DPP6: variants seen among roughly 807,000 people sequenced by gnomAD.
The protein encoded by DPP6 is dipeptidyl peptidase like 6.
DPP6 carries 69 observed loss-of-function variants against 122.6 expected under a neutral mutation model. The observed-to-expected ratio is 0.56, with a 90% CI of 0.46 to 0.69. The LOEUF (loss-of-function observed/expected upper bound fraction) is 0.69. Among genes scored for constraint, DPP6 ranks in the 30% least tolerant of loss-of-function variants. The pLI is 0.00. For missense variants in DPP6, 928 were observed against 1,116.9 expected (o/e 0.83, Z 2.41); for synonymous variants, 418 against 433.1 (o/e 0.97, Z 0.43).
At chr7:154,467,984 G>A (rs1294096218) in intron 2 of DPP6, among the ~76,000 whole-genome samples, 3 of 152,110 alleles carry the variant, frequency 2.0e-5, no homozygotes, top group Non-Finnish European at 2.9e-5. Flanking sequence ...TATCTTTCTC[G>A]ACAGTGAATC....
intron 10 of DPP6, among the ~76,000 whole-genome samples, chr7:154,791,829 A>G (rs1388266218): frequency 6.6e-6 from 1 of 152,230 alleles, no homozygotes; most frequent in Non-Finnish European, 1.5e-5. Context: ...GGTTCCATCC[A>G]GTGGCACTCA....
chr7:153,751,914 T>C, the DPP6 span, among the ~76,000 whole-genome samples: 3 of 151,932 alleles, frequency 2.0e-5, no homozygotes, highest in African/African-American at 7.2e-5. Context: ...TCAGTATGTA[T>C]TACGTTAGAC....
chr7:154,013,983 C>G (rs1412146753), intron 1 of DPP6, among the ~76,000 whole-genome samples: 1 of 152,100 alleles, frequency 6.6e-6, no homozygotes, highest in African/African-American at 2.4e-5. Flanking sequence ...GTGCCCTCAA[C>G]TCCCAGGCTC....
Position 154,863,466 on chromosome 7 carries a change from C to G in DPP6, c.1715-4529C>G, listed in dbSNP as rs1433143687. Reference sequence around the variant, plus strand: ...GACCTCCAGAGCTCAAGCTGTCCTCCCACCTCAGCCTCCTGAGTAACTGGG... The same window carrying G: ...GACCTCCAGAGCTCAAGCTGTCCTCGCACCTCAGCCTCCTGAGTAACTGGG... On this transcript the variant is annotated intron_variant, in intron 17 of 25. Transcript: ENST00000377770. This position sits in a 1 kb window ranked among gnomAD's most constrained non-coding sequence, Gnocchi z 4.1. 6.6e-6 allele frequency among the ~76,000 whole-genome samples: 1 copy of G among 151,728 alleles called. No individual in the cohort carries two copies. Among genetic ancestry groups the G allele is most frequent in the Non-Finnish European group, 1.5e-5 (1 of 67,956 alleles).
At chr7:153,895,038 C>T (rs1799349312) in intron 1 of DPP6, among the ~76,000 whole-genome samples, 2 of 152,118 alleles carry the variant, frequency 1.3e-5, no homozygotes, top group African/African-American at 4.8e-5. Flanking sequence ...GATGAGGAAA[C>T]ATGCTGTGTT....
intron 16 of DPP6, among the ~76,000 whole-genome samples, chr7:154,829,906 G>A (rs977217489): frequency 1.3e-5 from 2 of 152,102 alleles, no homozygotes; most frequent in African/African-American, 2.4e-5. Context: ...CTCCTGTGAT[G>A]CTGGTGCACA....
chr7:154,510,936 GCACACACACACACACACACA>G (rs3056506), intron 3 of DPP6, among the ~76,000 whole-genome samples: 2 of 145,090 alleles, frequency 1.4e-5, no homozygotes, highest in Non-Finnish European at 3.0e-5. Flanking sequence ...ACACACACAT[GCACACACACACACACACACA>G]CACACACACA....
At chr7:154,674,088 C>T (rs1838742134) in intron 7 of DPP6, among the ~76,000 whole-genome samples, 1 of 152,128 alleles carries the variant, frequency 6.6e-6, no homozygotes, top group Admixed American at 6.5e-5. Context: ...TTTGGCCAAG[C>T]TGGTCTTGAA....
intron 1 of DPP6, among the ~76,000 whole-genome samples, chr7:154,357,275 CTT>C (rs35476633): frequency 0.026 from 3,188 of 120,758 alleles, 94 homozygotes; most frequent in African/African-American, 0.085. Context: ...TAATGTGGGG[CTT>C]TTTTTTTTTT....
chr7:154,310,878 T>C (rs1050497816), intron 1 of DPP6, among the ~76,000 whole-genome samples: 2 of 152,194 alleles, frequency 1.3e-5, no homozygotes, highest in South Asian at 2.1e-4. Flanking sequence ...TTTATGGAAA[T>C]GAGCTGTGCC....
chr7:154,248,601 C>A (rs1009554674), intron 1 of DPP6, among the ~76,000 whole-genome samples: 2 of 152,192 alleles, frequency 1.3e-5, no homozygotes, highest in African/African-American at 4.8e-5. Flanking sequence ...CGCCGTGGCT[C>A]ACACCTGTAA....
chr7:154,465,772 G>C (rs1291194827), intron 2 of DPP6, among the ~76,000 whole-genome samples: 3 of 152,200 alleles, frequency 2.0e-5, no homozygotes, highest in Non-Finnish European at 4.4e-5. Flanking sequence ...ATGTAAATGA[G>C]TTCAACCATT....
intron 1 of DPP6, among the ~76,000 whole-genome samples, chr7:154,164,474 A>G (rs964392004): frequency 2.0e-5 from 3 of 152,050 alleles, no homozygotes; most frequent in Non-Finnish European, 2.9e-5. Flanking sequence ...TTGATGTATA[A>G]TTTACATACC....
chr7:154,734,881 A>C (rs1448344538), intron 8 of DPP6, among the ~76,000 whole-genome samples: 1 of 152,200 alleles, frequency 6.6e-6, no homozygotes, highest in Non-Finnish European at 1.5e-5. Context: ...AGGAAATTGA[A>C]ATAAGCTAAT....
intron 6 of DPP6, among the ~76,000 whole-genome samples, chr7:154,648,210 G>A (rs1480596475): frequency 6.6e-6 from 1 of 151,572 alleles, no homozygotes; most frequent in Non-Finnish European, 1.5e-5. Context: ...AGAGGTTACA[G>A]TGAGCCGAGA....
chr7:154,081,325 C>T (rs1803990084), intron 1 of DPP6, among the ~76,000 whole-genome samples: 2 of 146,968 alleles, frequency 1.4e-5, no homozygotes, highest in African/African-American at 2.5e-5. Context: ...AGGGCCAAGC[C>T]TTTCAACACC....
intron 1 of DPP6, among the ~76,000 whole-genome samples, chr7:154,280,102 C>T (rs1312215863): frequency 1.3e-5 from 2 of 152,050 alleles, no homozygotes; most frequent in African/African-American, 2.4e-5. Context: ...TTCAGATGGG[C>T]CAATAGCAGA....
intron 1 of DPP6, among the ~76,000 whole-genome samples, chr7:154,176,022 G>C (rs1398524545): frequency 6.6e-6 from 1 of 152,096 alleles, no homozygotes; most frequent in Non-Finnish European, 1.5e-5. Flanking sequence ...AATGCTTTAT[G>C]ACCAAAACTG....
chr7:153,873,363 T>G, the DPP6 span, among the ~76,000 whole-genome samples: 1 of 152,188 alleles, frequency 6.6e-6, no homozygotes, highest in South Asian at 2.1e-4. Flanking sequence ...GATAGCAATG[T>G]CTCTGGCATT....
Sources: gnomAD v4.1 joint callset for allele counts (sites outside exome capture counted in the v4.1 genomes callset) on GRCh38, gnomAD v4.1.1 for gene constraint, Gnocchi (gnomAD v3.1) non-coding constraint, MANE v1.5 for transcripts, NCBI Gene and HGNC (gene_info 2026-07-23, HGNC 2026-07-21) for gene names.